The following MOCOS variants were observed in gnomAD, a reference collection of about 807,000 sequenced individuals.
MOCOS encodes human molybdenum cofactor sulfurase.
Under a neutral mutation model 83.6 loss-of-function variants are expected in MOCOS, and 86 were observed. The observed-to-expected ratio is 1.03, with a 90% CI of 0.86 to 1.23. MOCOS has a LOEUF of 1.23. MOCOS is among the 50% of genes most tolerant of loss of function. The pLI is 0.00. For missense variants in MOCOS, 1,120 were observed against 1,126.9 expected (o/e 0.99, Z 0.09); for synonymous variants, 445 against 434.7 (o/e 1.02, Z -0.29).
At chr18:36,217,982 CCA>C (rs2091481370) in intron 8 of MOCOS, among the ~76,000 whole-genome samples, 1 of 152,128 alleles carries the variant, frequency 6.6e-6, no homozygotes, top group African/African-American at 2.4e-5. Context: ...AACTTCTATA[CCA>C]GAACGGTCAA....
At chr18:36,239,105 C>T (rs1263829976) in intron 9 of MOCOS, among the ~76,000 whole-genome samples, 1 of 149,678 alleles carries the variant, frequency 6.7e-6, no homozygotes, top group African/African-American at 2.4e-5. Context: ...CAGTCTGTGT[C>T]TTTTAATTGG....
chr18:36,191,079 CTCTCTCTCTG>C (rs529906769), intron 1 of MOCOS, among the ~76,000 whole-genome samples: 249 of 149,222 alleles, frequency 1.7e-3, no homozygotes, highest in Non-Finnish European at 2.7e-3. Flanking sequence ...CAAGCACCTT[CTCTCTCTCTG>C]TCTCTCTCTG....
chr18:36,190,926 A>G (rs2091362525), intron 1 of MOCOS, among the ~76,000 whole-genome samples: 1 of 146,402 alleles, frequency 6.8e-6, no homozygotes, highest in African/African-American at 2.5e-5. Context: ...AATCCCAGCT[A>G]TTTGGGAGGC....
chr18:36,250,762 T>C (rs1261244687), intron 10 of MOCOS, among the ~76,000 whole-genome samples: 1 of 152,174 alleles, frequency 6.6e-6, no homozygotes, highest in African/African-American at 2.4e-5. Flanking sequence ...AACACGTCAG[T>C]CCATGTGAGA....
intron 9 of MOCOS, among the ~76,000 whole-genome samples, chr18:36,237,781 A>T (rs1161184453): frequency 1.1e-4 from 16 of 151,096 alleles, no homozygotes; most frequent in Admixed American, 9.9e-4. Flanking sequence ...TTTGGTTGGT[A>T]AGCTATTGAT....
At chr18:36,236,587 T>C (rs1362112400) in intron 9 of MOCOS, among the ~76,000 whole-genome samples, 2 of 121,592 alleles carry the variant, frequency 1.6e-5, no homozygotes, top group Non-Finnish European at 3.5e-5. Flanking sequence ...CTTTGTTCTT[T>C]TGGCTTAGGA....
At chr18:36,238,690 G>T (rs1231808909) in intron 9 of MOCOS, among the ~76,000 whole-genome samples, 2 of 117,946 alleles carry the variant, frequency 1.7e-5, no homozygotes, top group African/African-American at 5.5e-5. Flanking sequence ...GGGTATCCTT[G>T]TTGACTTTCT....
intron 13 of MOCOS, among the ~76,000 whole-genome samples, chr18:36,261,592 G>A (rs1043018985): frequency 6.6e-6 from 1 of 152,084 alleles, no homozygotes; most frequent in African/African-American, 2.4e-5. Flanking sequence ...TGGGGTATAG[G>A]AAATAAATTG....
At chr18:36,207,430 G>T (rs2091438865) in intron 6 of MOCOS, among the ~76,000 whole-genome samples, 1 of 151,226 alleles carries the variant, frequency 6.6e-6, no homozygotes, top group Non-Finnish European at 1.5e-5. Context: ...GTGTATAAGT[G>T]TTTTTTTTTA....
chr18:36,250,898 G>C (rs2091619360), intron 10 of MOCOS, among the ~76,000 whole-genome samples: 1 of 152,132 alleles, frequency 6.6e-6, no homozygotes, highest in South Asian at 2.1e-4. Flanking sequence ...GTGGTTCTCT[G>C]TGTCAATAAT....
At chr18:36,235,119 A>G (rs2091552937) in intron 9 of MOCOS, among the ~76,000 whole-genome samples, 1 of 151,560 alleles carries the variant, frequency 6.6e-6, no homozygotes, top group South Asian at 2.1e-4. Flanking sequence ...AGTACCCCAA[A>G]ATCAATTTTT....
intron 9 of MOCOS, among the ~76,000 whole-genome samples, chr18:36,223,682 C>A (rs1470883754): frequency 6.6e-6 from 1 of 152,172 alleles, no homozygotes; most frequent in African/African-American, 2.4e-5. Context: ...TTGCTTTGGG[C>A]TCTATAGACA....
At chr18:36,208,719 A>G (rs994046069) in intron 6 of MOCOS, among the ~76,000 whole-genome samples, 4 of 152,210 alleles carry the variant, frequency 2.6e-5, no homozygotes, top group African/African-American at 9.6e-5. Flanking sequence ...TTCCGGGTAT[A>G]GAATCATGTT....
chr18:36,214,258 A>AG lies in MOCOS; in HGVS notation c.1335+776_1335+777insG, dbSNP rs1206709340. Among the ~76,000 whole-genome samples, 52 of 39,970 alleles carry AG rather than the reference A, an allele frequency of 1.3e-3. 1 individual carries two copies. Among genetic ancestry groups the AG allele is most frequent in the Admixed American group, 3.8e-3 (7 of 1,866 alleles). 26.2% of individuals were successfully genotyped at this position (39,970 alleles called of 152,430 possible). ...AAACTCAGTCTCAAAAAAAAAAAAA[A>AG]AAAAGAAAAGAAAAAAAAGAAAATG... On this transcript the variant is annotated intron_variant, in intron 7 of 14. Coordinates refer to ENST00000261326, the MANE Select transcript of MOCOS (RefSeq NM_017947.4).
intron 6 of MOCOS, among the ~76,000 whole-genome samples, chr18:36,207,625 G>A (rs1001328866): frequency 6.6e-6 from 1 of 151,986 alleles, no homozygotes; most frequent in Non-Finnish European, 1.5e-5. Context: ...CATGTTCTTT[G>A]CCCATTTTTA....
At chr18:36,259,065 C>T (rs2091652731) in intron 12 of MOCOS, among the ~76,000 whole-genome samples, 2 of 114,866 alleles carry the variant, frequency 1.7e-5, no homozygotes, top group Admixed American at 2.2e-4. Context: ...ATTTTCAGTG[C>T]GTTCTTCTGG....
chr18:36,213,569 T>C, intron 7 of MOCOS, 87 bp downstream of exon 7: 1 of 1,029,182 alleles, frequency 9.7e-7, no homozygotes, highest in South Asian at 1.3e-5. Context: ...TGGGGGCTGC[T>C]GCTGCATACT....
intron 13 of MOCOS, among the ~76,000 whole-genome samples, chr18:36,262,650 C>A (rs2091668057): frequency 6.6e-6 from 1 of 152,086 alleles, no homozygotes; most frequent in Non-Finnish European, 1.5e-5. Context: ...AGGCGTGCAC[C>A]ACCACACCTG....
chr18:36,191,223 T>C (rs2091364817), intron 1 of MOCOS, among the ~76,000 whole-genome samples: 1 of 152,002 alleles, frequency 6.6e-6, no homozygotes, highest in Non-Finnish European at 1.5e-5. Context: ...TTAAACCTCT[T>C]TTCTTTATAA....
Sources: allele counts gnomAD v4.1 joint callset (sites outside exome capture counted in the v4.1 genomes callset), GRCh38; gene constraint gnomAD v4.1.1; transcripts MANE v1.5; gene names NCBI Gene and HGNC (gene_info 2026-07-23, HGNC 2026-07-21).